Variants in SYT1 observed in about 807,000 individuals in gnomAD.
SYT1 encodes synaptotagmin-1.
SYT1 carries 8 observed loss-of-function variants against 44.8 expected under a neutral mutation model. That is an observed-to-expected ratio of 0.18 (90% CI 0.10 to 0.32). The LOEUF is 0.32. Among genes scored for constraint, SYT1 ranks in the 10% least tolerant of loss-of-function variants. The pLI, the probability that SYT1 is intolerant of heterozygous loss-of-function variation, is 1.00. For missense variants in SYT1, 286 were observed against 509.3 expected (o/e 0.56, Z 4.22); for synonymous variants, 154 against 188.8 (o/e 0.82, Z 1.51).
At chr12:79,335,412 A>T (rs1882046232) in intron 8 of SYT1, among the ~76,000 whole-genome samples, 1 of 145,296 alleles carries the variant, frequency 6.9e-6, no homozygotes, top group South Asian at 2.2e-4. Flanking sequence ...TTTTACTCGC[A>T]ATCTTTTCTT....
chr12:79,261,360 A>G (rs1565880395), intron 4 of SYT1, among the ~76,000 whole-genome samples: 1 of 152,224 alleles, frequency 6.6e-6, no homozygotes, highest in Non-Finnish European at 1.5e-5. Flanking sequence ...TCTCTCTGCC[A>G]CACTATGTTT....
At chr12:79,184,175 A>G (rs894238606) in intron 3 of SYT1, among the ~76,000 whole-genome samples, 3 of 152,032 alleles carry the variant, frequency 2.0e-5, no homozygotes, top group Non-Finnish European at 2.9e-5. Context: ...TTAGTATTCT[A>G]TTTCACGTGA....
intron 8 of SYT1, among the ~76,000 whole-genome samples, chr12:79,347,338 T>G (rs915209720): frequency 3.9e-5 from 6 of 152,140 alleles, no homozygotes; most frequent in African/African-American, 1.4e-4. Flanking sequence ...TCACCCAAGA[T>G]GTAGGAGCAG....
intron 9 of SYT1, among the ~76,000 whole-genome samples, chr12:79,410,522 A>C (rs1868375559): frequency 1.3e-5 from 2 of 151,752 alleles, no homozygotes; most frequent in South Asian, 2.1e-4. Context: ...AAAAAAAAAA[A>C]AAAAAACAGA....
At chr12:79,402,422 G>T (rs897514343) in intron 9 of SYT1, among the ~76,000 whole-genome samples, 1 of 152,140 alleles carries the variant, frequency 6.6e-6, no homozygotes, top group South Asian at 2.1e-4. Context: ...AGTTATCTAG[G>T]ATTGATCAAT....
chr12:78,979,248 T>C (rs569766138), intron 2 of SYT1, among the ~76,000 whole-genome samples: 245 of 152,304 alleles, frequency 1.6e-3, no homozygotes, highest in African/African-American at 5.3e-3. Context: ...CCTTGCAGTA[T>C]GATTCTTACC....
At chr12:79,042,815 G>C (rs1337438206) in intron 2 of SYT1, among the ~76,000 whole-genome samples, 2 of 150,862 alleles carry the variant, frequency 1.3e-5, no homozygotes, top group African/African-American at 4.9e-5. Context: ...CAGAGATTCT[G>C]GTATGTTGTG....
chr12:78,876,032 C>A (rs985020373), intron 1 of SYT1, among the ~76,000 whole-genome samples: 4 of 151,642 alleles, frequency 2.6e-5, no homozygotes, highest in Non-Finnish European at 5.9e-5. Context: ...CTTTTTATCA[C>A]ATTCATGACA....
intron 2 of SYT1, among the ~76,000 whole-genome samples, chr12:79,009,536 C>T (rs1035343183): frequency 2.6e-5 from 4 of 152,046 alleles, no homozygotes; most frequent in Admixed American, 1.3e-4. Context: ...ATGATAAACA[C>T]GTGTATGTTT....
intron 8 of SYT1, among the ~76,000 whole-genome samples, chr12:79,303,125 G>A (rs993922384): frequency 6.6e-6 from 1 of 151,996 alleles, no homozygotes; most frequent in African/African-American, 2.4e-5. Flanking sequence ...TATCTTTTTA[G>A]AATAATCTAT....
intron 3 of SYT1, among the ~76,000 whole-genome samples, chr12:79,110,127 C>T (rs1878932282): frequency 6.6e-6 from 1 of 152,106 alleles, no homozygotes; most frequent in African/African-American, 2.4e-5. Flanking sequence ...ACTTCTACTC[C>T]ATTTCTCAAG....
At chr12:79,176,236 G>A (rs182207579) in intron 3 of SYT1, among the ~76,000 whole-genome samples, 7 of 150,160 alleles carry the variant, frequency 4.7e-5, no homozygotes, top group African/African-American at 1.5e-4. Context: ...GTTTCAGTGA[G>A]CCAAGATCAC....
chr12:79,270,527 A>T (rs1355358759), intron 4 of SYT1, among the ~76,000 whole-genome samples: 3 of 152,158 alleles, frequency 2.0e-5, no homozygotes, highest in Non-Finnish European at 2.9e-5. Flanking sequence ...CAGGGATGAA[A>T]ATATAGCTCA....
intron 2 of SYT1, among the ~76,000 whole-genome samples, chr12:78,981,822 A>G (rs983134628): frequency 2.6e-5 from 4 of 152,200 alleles, no homozygotes; most frequent in African/African-American, 9.6e-5. Context: ...ACATTAGGAC[A>G]CAAAGAATAT....
At chr12:79,039,439 C>A (rs1873364233) in intron 2 of SYT1, among the ~76,000 whole-genome samples, 1 of 151,832 alleles carries the variant, frequency 6.6e-6, no homozygotes, top group South Asian at 2.1e-4. Flanking sequence ...CAAAATAATC[C>A]TTTGCTATGT....
At chr12:79,324,613 AG>A (rs1312122362) in intron 8 of SYT1, among the ~76,000 whole-genome samples, 2 of 152,346 alleles carry the variant, frequency 1.3e-5, no homozygotes, top group East Asian at 3.9e-4. Context: ...ATGAGAAAAT[AG>A]GGAGGTCAAA....
At chr12:79,290,473 G>T (rs1307365893) in intron 5 of SYT1, among the ~76,000 whole-genome samples, 1 of 152,156 alleles carries the variant, frequency 6.6e-6, no homozygotes, top group Non-Finnish European at 1.5e-5. Flanking sequence ...GGATGTGGGG[G>T]TAGCAGAGTG....
At chr12:79,094,781 C>G (rs17046363) in intron 3 of SYT1, among the ~76,000 whole-genome samples, 5,240 of 151,882 alleles carry the variant, frequency 0.035, 176 homozygotes, top group South Asian at 0.11. Flanking sequence ...GTATGAACCA[C>G]AGCCCTAAAA....
chr12:79,237,621 C>T (rs1465054), intron 4 of SYT1, among the ~76,000 whole-genome samples: 105,851 of 152,086 alleles, frequency 0.7, 37,264 homozygotes, highest in African/African-American at 0.74. Context: ...GGCTCTGAGC[C>T]TACTCCAGCT....
Sources: gnomAD v4.1 joint callset for allele counts (sites outside exome capture counted in the v4.1 genomes callset) on GRCh38, gnomAD v4.1.1 for gene constraint, MANE v1.5 for transcripts, NCBI Gene and HGNC (gene_info 2026-07-23, HGNC 2026-07-21) for gene names.